BMP2: variants seen among roughly 807,000 people sequenced by gnomAD.
The protein encoded by BMP2 is bone morphogenetic protein 2.
In BMP2, 2 loss-of-function variants were observed where a neutral mutation model predicts 28.8. The observed-to-expected ratio is 0.07, with a 90% CI of 0.03 to 0.22. The LOEUF (loss-of-function observed/expected upper bound fraction) is 0.22. Among genes scored for constraint, BMP2 ranks in the 10% least tolerant of loss-of-function variants. The pLI is 1.00. For synonymous variants in BMP2, 218 were observed against 204.3 expected, an observed-to-expected ratio of 1.07 and a Z score of -0.57; for missense variants, 437 against 517.7, an observed-to-expected ratio of 0.84 and a Z score of 1.51.
At chr20:6,775,978 T>G (rs1986492824) in intron 2 of BMP2, among the ~76,000 whole-genome samples, 1 of 152,200 alleles carries the variant, frequency 6.6e-6, no homozygotes, top group African/African-American at 2.4e-5. Flanking sequence ...TTCTTAGATG[T>G]ATTCTTATCA....
At chr20:6,769,287 C>A (rs1986335090) in intron 1 of BMP2, among the ~76,000 whole-genome samples, 1 of 151,976 alleles carries the variant, frequency 6.6e-6, no homozygotes, top group Non-Finnish European at 1.5e-5. Flanking sequence ...CAAGTGTTTC[C>A]GGGAGACTTG....
chr20:6,774,379 A>T (rs922958717), intron 2 of BMP2, among the ~76,000 whole-genome samples: 7 of 152,152 alleles, frequency 4.6e-5, no homozygotes, highest in Non-Finnish European at 1.0e-4. Context: ...ATAAAAAAAT[A>T]GCCAGGTATG....
intron 2 of BMP2, among the ~76,000 whole-genome samples, chr20:6,771,486 T>A (rs1028636896): frequency 3.3e-5 from 5 of 152,062 alleles, no homozygotes; most frequent in African/African-American, 1.2e-4. Context: ...ATTTGGGGAG[T>A]TGGGAGTGAA....
In BMP2 at chr20:6,768,538, T is replaced by G. The variant is rs1251127376; in HGVS notation, c.-345T>G. 1 of 386,064 alleles carries G rather than the reference T, an allele frequency of 2.6e-6. No individual in the cohort carries two copies. The highest frequency in any genetic ancestry group is 4.6e-6 in the Non-Finnish European group (1 of 218,122). The allele number at this position is 386,064 out of a possible 1,614,324, so 23.9% of individuals were successfully genotyped here. A position where few individuals can be genotyped will look rare whatever the true frequency, so the allele number is the denominator to read the frequency against. On this transcript the variant is annotated 5_prime_UTR_variant, in exon 1 of 3. Transcript: ENST00000378827. ...CCGCACTCCTCCCCCTGCTCGCTGT[T>G]GTTGTGTGTCAGCACTTGGCTGGGG...
chr20:6,775,404 G>C (rs1040225518), intron 2 of BMP2, among the ~76,000 whole-genome samples: 1 of 152,256 alleles, frequency 6.6e-6, no homozygotes, highest in South Asian at 2.1e-4. Context: ...CTGCAACCAG[G>C]GGTGTTGCAA....
At position 6,778,680 on chromosome 20, in the gene BMP2, G is replaced by A. The variant is rs1986555436; in HGVS notation, c.782G>A (p.Arg261Lys). 6.2e-7 allele frequency: 1 copy of A among 1,614,032 alleles called. No individual in the cohort carries two copies. The highest frequency in any genetic ancestry group is 1.7e-5 in the Admixed American group (1 of 59,996). ...GATGAACACAGCTGGTCACAGATAAGGCCATTGCTAGTAACTTTTGGCCAT... is the reference window on the plus strand; with the variant it reads ...GATGAACACAGCTGGTCACAGATAAAGCCATTGCTAGTAACTTTTGGCCAT... ...HQDEHSWSQI[R>K]PLLVTFGHDG... The change falls in exon 3 of 3, where the codon AGG becomes AAG. Residue 261 changes from arginine to lysine, a missense_variant. This residue lies in a region of BMP2 where 363 missense variants were observed against 392.8 expected (regional missense o/e 0.92). Coordinates refer to ENST00000378827, the MANE Select transcript of BMP2 (RefSeq NM_001200.4). The surrounding 1 kb of genome is among the most constrained non-coding windows in gnomAD (Gnocchi z 5.0).
At position 6,768,321 on chromosome 20, in the gene BMP2, C is replaced by T. The variant is rs964100362; in HGVS notation, c.-562C>T. The T allele has an allele frequency of 2.3e-5, 9 of 397,942 alleles. No individual in the cohort carries two copies. The highest frequency in any genetic ancestry group is 1.9e-4 in the African/African-American group (9 of 48,576). The allele number at this position is 397,942 out of a possible 1,614,324, so 24.7% of individuals were successfully genotyped here. ...CCTGGCACCGAGATCGCCGCCGTGC[C>T]CTTCCCTGGACCCGGCGTCGCCCAG... On this transcript the variant is annotated 5_prime_UTR_variant, in exon 1 of 3. Coordinates refer to ENST00000378827, the MANE Select transcript of BMP2 (RefSeq NM_001200.4).
At position 6,767,846 on chromosome 20, in the gene BMP2, G is replaced by T. The variant is rs1255813569; in HGVS notation, c.-1037G>T. Reference sequence around the variant, plus strand: ...CGCCGGCTACCCGAACGTTCTCGGGGCCAGCGCCGAGTGGATCACCGGGGA... The same window carrying T: ...CGCCGGCTACCCGAACGTTCTCGGGTCCAGCGCCGAGTGGATCACCGGGGA... On this transcript the variant is annotated 5_prime_UTR_variant, in exon 1 of 3. Transcript: ENST00000378827. 10 of 348,498 alleles carry T rather than the reference G, an allele frequency of 2.9e-5. No homozygotes were observed. The highest frequency in any genetic ancestry group is 4.6e-5 in the Non-Finnish European group (9 of 194,472). The allele number at this position is 348,498 out of a possible 1,614,324, so 21.6% of individuals were successfully genotyped here.
At chr20:6,769,925 G>C (rs1422231356) in intron 1 of BMP2, among the ~76,000 whole-genome samples, 195 bp from the exon 2 acceptor site, 1 of 152,264 alleles carries the variant, frequency 6.6e-6, no homozygotes, top group East Asian at 1.9e-4. Flanking sequence ...TAAATCATCT[G>C]GTTCAGGAAC....
At chr20:6,771,184 A>T (rs1986391130) in intron 2 of BMP2, among the ~76,000 whole-genome samples, 1 of 135,576 alleles carries the variant, frequency 7.4e-6, no homozygotes. Flanking sequence ...GTGCACCGAA[A>T]TGTGGATTTT....
chr20:6,770,590 C>T, intron 2 of BMP2, 118 bp downstream of exon 2: 1 of 979,310 alleles, frequency 1.0e-6, no homozygotes, highest in Non-Finnish European at 1.5e-6. Flanking sequence ...GACGTTTCCA[C>T]TCTTGCTTCT....
chr20:6,777,885 CTTT>C (rs5840158), intron 2 of BMP2, among the ~76,000 whole-genome samples: 1 of 144,542 alleles, frequency 6.9e-6, no homozygotes. Flanking sequence ...ATAGTGCTGA[CTTT>C]TTTTTTTTTT....
At chr20:6,774,914 T>G (rs1052448950) in intron 2 of BMP2, among the ~76,000 whole-genome samples, 2 of 152,230 alleles carry the variant, frequency 1.3e-5, no homozygotes, top group Non-Finnish European at 2.9e-5. Flanking sequence ...TGATATAGTA[T>G]AGATTATTAA....
rs1213913138 is a variant in BMP2, at chr20:6,778,308, G to A, written c.410G>A (p.Ser137Asn). ...ACCCGGAGATTCTTCTTTAATTTAAGTTCTATCCCCACGGAGGAGTTTATC... is the reference window on the plus strand; with the variant it reads ...ACCCGGAGATTCTTCTTTAATTTAAATTCTATCCCCACGGAGGAGTTTATC... ...KTTRRFFFNL[S>N]SIPTEEFITS... is the part of the protein sequence containing the mutation. The change falls in exon 3 of 3, where the codon AGT (serine) becomes AAT (asparagine). Residue 137 changes from serine to asparagine, a missense_variant. Ser to Asn is a conservative substitution (Grantham distance 46). Around this residue, in one of 2 missense-constraint regions of BMP2, gnomAD observed 363 missense variants for 392.8 expected, o/e 0.92. Coordinates refer to ENST00000378827, the MANE Select transcript of BMP2 (RefSeq NM_001200.4). The surrounding 1 kb of genome is among the most constrained non-coding windows in gnomAD (Gnocchi z 5.0). The A allele has an allele frequency of 6.2e-7, 1 of 1,613,850 alleles. No individual in the cohort carries two copies. Among genetic ancestry groups the A allele is most frequent in the South Asian group, 1.1e-5 (1 of 91,014 alleles).
rs761220556 is a variant in BMP2 at position 6,770,515 on chromosome 20, A to G, written c.346+43A>G. On this transcript the variant is annotated intron_variant, in intron 2 of 2. Coordinates refer to ENST00000378827, the MANE Select transcript of BMP2 (RefSeq NM_001200.4). ...GCGTGGGGGCGGGGAGTCACCCTGC[A>G]AAGCCCTCCACCGTGGGCAGACTGC... 7.8e-6 allele frequency: 12 copies of G among 1,531,770 alleles called. No individual in the cohort carries two copies. The South Asian group carries it at 1.5e-4, about 19-fold the overall frequency. 94.9% of individuals were successfully genotyped at this position (1,531,770 alleles called of 1,614,324 possible).
rs756383266 is a variant in BMP2, at chr20:6,778,791, G to A, written c.893G>A (p.Arg298Lys). The change falls in exon 3 of 3, where the codon AGA (arginine) becomes AAA (lysine). Residue 298 changes from arginine to lysine, a missense_variant. Transcript: ENST00000378827. This position sits in a 1 kb window ranked among gnomAD's most constrained non-coding sequence, Gnocchi z 5.0. Reference sequence around the variant, plus strand: ...AAACGCCTTAAGTCCAGCTGTAAGAGACACCCTTTGTACGTGGACTTCAGT... The same window carrying A: ...AAACGCCTTAAGTCCAGCTGTAAGAAACACCCTTTGTACGTGGACTTCAGT... ...QRKRLKSSCK[R>K]HPLYVDFSDV... The A allele has an allele frequency of 3.1e-6, 5 of 1,614,090 alleles. No homozygotes were observed. Among genetic ancestry groups the A allele is most frequent in the Non-Finnish European group, 4.2e-6 (5 of 1,180,052 alleles).
chr20:6,775,662 G>A (rs934144974), intron 2 of BMP2, among the ~76,000 whole-genome samples: 2 of 151,968 alleles, frequency 1.3e-5, no homozygotes, highest in African/African-American at 4.8e-5. Context: ...ATTCAATCTT[G>A]TCATTTAATT....
chr20:6,775,684 T>TAA (rs1303855028), intron 2 of BMP2, among the ~76,000 whole-genome samples: 1 of 152,160 alleles, frequency 6.6e-6, no homozygotes, highest in Non-Finnish European at 1.5e-5. Flanking sequence ...TTTGGGAGGT[T>TAA]ATTATTCTAT....
Position 6,773,270 on chromosome 20 carries a change from A to G in BMP2, c.346+2798A>G, listed in dbSNP as rs928522753. On this transcript the variant is annotated intron_variant, in intron 2 of 2. Coordinates refer to ENST00000378827, the MANE Select transcript of BMP2 (RefSeq NM_001200.4). ...TGCCCTGCATTAGAGACTTTGTGGC[A>G]CAAATTCCCCCGTGCAAACAACAGA... is the stretch of plus-strand genomic sequence containing the variant. Among the ~76,000 whole-genome samples the G allele has an allele frequency of 2.0e-5, 3 of 152,250 alleles. No individual in the cohort carries two copies. The South Asian group carries it at 6.2e-4, about 31-fold the overall frequency.
Sources: gnomAD v4.1 joint callset for allele counts (sites outside exome capture counted in the v4.1 genomes callset) on GRCh38, gnomAD v4.1.1 for gene constraint, gnomAD v4.1.1 regional missense constraint, Gnocchi (gnomAD v3.1) non-coding constraint, MANE v1.5 for transcripts, NCBI Gene and HGNC (gene_info 2026-07-23, HGNC 2026-07-21) for gene names.